CHD8: variants seen among roughly 807,000 people sequenced by gnomAD.
CHD8 encodes the protein ATP-dependent chromatin remodeler CHD8.
CHD8 carries 31 observed loss-of-function variants against 279.2 expected under a neutral mutation model. The ratio of observed to expected loss-of-function variants is 0.11; its 90% confidence interval spans 0.08 to 0.15. CHD8 has a LOEUF of 0.15. CHD8 is among the 10% of genes least tolerant of loss of function. The probability of loss-of-function intolerance (pLI) is 1.00; values close to 1 mark genes in which losing one functional copy is unlikely to be tolerated. For synonymous variants in CHD8, 1,081 were observed against 1,139.6 expected (o/e 0.95, Z 1.04); for missense variants, 2,146 against 3,230.5 (o/e 0.66, Z 8.14).
At chr14:21,427,720 G>T in intron 4 of CHD8, 149 bp downstream of exon 4, 1 of 1,517,916 alleles carries the variant, frequency 6.6e-7, no homozygotes. Context: ...CATCACAGTA[G>T]TAAGGAGCAC....
intron 28 of CHD8, 66 bp downstream of exon 28, chr14:21,395,751 G>T: frequency 1.1e-6 from 1 of 897,848 alleles, no homozygotes; most frequent in Non-Finnish European, 1.8e-6. Flanking sequence ...AAGATTCAGA[G>T]AATGGTTGAA....
Position 21,400,617 on chromosome 14 carries a change from A to G in CHD8, c.4371-5T>C, listed in dbSNP as rs775612887. 21 of 1,562,742 alleles carry G rather than the reference A, an allele frequency of 1.3e-5. No homozygotes were observed. The highest frequency in any genetic ancestry group is 1.7e-5 in the Non-Finnish European group (20 of 1,162,196). The stretch of plus-strand genomic sequence containing the variant: ...ATATCTCGCCATCGTCCCCAACTAA[A>G]AAACAGAAAACTATATTAACATTTT... On this transcript the variant is annotated splice_region_variant and splice_polypyrimidine_tract_variant and intron_variant, in intron 22 of 37. Transcript: ENST00000646647. This position sits in a 1 kb window ranked among gnomAD's most constrained non-coding sequence, Gnocchi z 4.2.
In CHD8 at chr14:21,403,226, G is replaced by A. The variant is rs141148475; in HGVS notation, c.3519-14C>T. The A allele has an allele frequency of 1.9e-4, 299 of 1,606,828 alleles. 5 individuals are homozygous for A. In the South Asian group the frequency reaches 1.9e-3, roughly 10 times the overall value. ...TCATATAAGTACCTGTATGGGAATC[G>A]CAGAAAAAAAATGTAAGTGGCTAAG... On this transcript the variant is annotated splice_polypyrimidine_tract_variant and intron_variant, in intron 17 of 37. Transcript: ENST00000646647. This position sits in a 1 kb window ranked among gnomAD's most constrained non-coding sequence, Gnocchi z 4.3.
intron 5 of CHD8, among the ~76,000 whole-genome samples, chr14:21,417,703 A>C (rs936191830): frequency 5.3e-5 from 8 of 151,642 alleles, no homozygotes; most frequent in African/African-American, 1.9e-4. Flanking sequence ...AAATACAAAA[A>C]ATTAGCCAGG....
At chr14:21,432,241 GT>G (rs1330943450) in intron 1 of CHD8, among the ~76,000 whole-genome samples, 4 of 152,066 alleles carry the variant, frequency 2.6e-5, no homozygotes, top group African/African-American at 7.2e-5. Context: ...CAGAATTACA[GT>G]GACTCTATAG....
rs575928683 is a variant in CHD8, at chr14:21,412,270, CG to C, written c.2226+642del. Among the ~76,000 whole-genome samples, 7 of 151,942 alleles carry C rather than the reference CG, an allele frequency of 4.6e-5. No homozygotes were observed. The East Asian group carries it at 1.4e-3, about 30-fold the overall frequency. On this transcript the variant is annotated intron_variant, in intron 10 of 37. Transcript: ENST00000646647. ...AAGCGATTCTCCTGCCTCAGCCTCC[CG>C]AGTAGCTGGGACTATAGGCACGTGC...
At position 21,426,157 on chromosome 14, in the gene CHD8, G is replaced by C. The variant is rs1467029884; in HGVS notation, c.1687C>G (p.Pro563Ala). The C allele has an allele frequency of 6.2e-7, 1 of 1,609,842 alleles. No homozygotes were observed. The highest frequency in any genetic ancestry group is 8.5e-7 in the Non-Finnish European group (1 of 1,176,644). Reference protein sequence around the residue: ...SDVEVMPAQSPREDEESSIQK... With the variant: ...SDVEVMPAQSAREDEESSIQK... ...ATGCTGCTTTCTTCATCTTCTCGAG[G>C]TGACTGTGCAGGCATGACTTCCACA... is the stretch of plus-strand genomic sequence containing the variant. Residue 563 changes from proline to alanine, a missense_variant, in exon 5 of 38, where the codon CCT becomes GCT. Physicochemically the swap from Pro to Ala is conservative, Grantham distance 27 (BLOSUM62 -1). Transcript: ENST00000646647.
chr14:21,440,287 AC>A (rs1889923718), intron 1 of CHD8, among the ~76,000 whole-genome samples: 1 of 151,932 alleles, frequency 6.6e-6, no homozygotes, highest in Non-Finnish European at 1.5e-5. Flanking sequence ...GCTCACTGCA[AC>A]CTCTGCCTCC....
chr14:21,446,036 G>A (rs58981052), intron 1 of CHD8, among the ~76,000 whole-genome samples: 13,508 of 149,428 alleles, frequency 0.09, 1,427 homozygotes, highest in African/African-American at 0.26. Flanking sequence ...TACTAAAACT[G>A]CAAAAATTAG....
At chr14:21,412,803 C>A in intron 10 of CHD8, 110 bp downstream of exon 10, 1 of 702,708 alleles carries the variant, frequency 1.4e-6, no homozygotes, top group Non-Finnish European at 2.6e-6. Context: ...TTAGAAATAC[C>A]TTTTCAGTCC....
intron 10 of CHD8, 115 bp from the exon 11 acceptor site, chr14:21,410,103 T>C (rs992542607): frequency 3.0e-5 from 31 of 1,045,078 alleles, no homozygotes; most frequent in African/African-American, 2.1e-4. Context: ...CTAGAAGCCG[T>C]TGAAAAAGTC....
chr14:21,396,273 G>A (rs571881846), intron 27 of CHD8, among the ~76,000 whole-genome samples: 1 of 152,078 alleles, frequency 6.6e-6, no homozygotes, highest in South Asian at 2.1e-4. Context: ...TGGGATTACA[G>A]GAGTGAGCCA....
At chr14:21,426,054 T>C in intron 5 of CHD8, 74 bp downstream of exon 5, 1 of 888,094 alleles carries the variant, frequency 1.1e-6, no homozygotes, top group Admixed American at 2.1e-5. Flanking sequence ...TTACGATTTC[T>C]CAATATCTGC....
At chr14:21,387,809 C>CAAAAAA (rs34063784) in intron 37 of CHD8, among the ~76,000 whole-genome samples, 6 of 76,164 alleles carry the variant, frequency 7.9e-5, no homozygotes, top group African/African-American at 1.4e-4. Flanking sequence ...CTGTCTCAAG[C>CAAAAAA]AAAAAAAAAA....
In CHD8 at chr14:21,400,434, T is replaced by G; in HGVS notation, c.4549A>C (p.Lys1517Gln). ...LISPAENGKT[K>Q]ELQNHSGLSI... ...TTACCTGAATGATTCTGCAATTCTT[T>G]TGTCTTGCCATTTTCAGCTGGGCTA... The change falls in exon 23 of 38, where the codon AAA becomes CAA. Residue 1517 changes from lysine to glutamine, a missense_variant. Lys to Gln is a moderately conservative substitution (Grantham distance 53). Coordinates refer to ENST00000646647, the MANE Select transcript of CHD8 (RefSeq NM_001170629.2). This position sits in a 1 kb window ranked among gnomAD's most constrained non-coding sequence, Gnocchi z 4.2. 6.2e-7 allele frequency: 1 copy of G among 1,601,206 alleles called. No individual in the cohort carries two copies. Among genetic ancestry groups the G allele is most frequent in the Non-Finnish European group, 8.5e-7 (1 of 1,176,642 alleles).
Position 21,400,095 on chromosome 14 carries a change from G to C in CHD8, c.4728-25C>G. Reference sequence around the variant, plus strand: ...CCTAGAAAGGACAGAGGAAGAGCTGGCTCAGTAACACTGTAGAAGTTTGAG... The same window carrying C: ...CCTAGAAAGGACAGAGGAAGAGCTGCCTCAGTAACACTGTAGAAGTTTGAG... On this transcript the variant is annotated intron_variant, in intron 24 of 37. Coordinates refer to ENST00000646647, the MANE Select transcript of CHD8 (RefSeq NM_001170629.2). The surrounding 1 kb of genome is among the most constrained non-coding windows in gnomAD (Gnocchi z 4.2). 6.2e-7 allele frequency: 1 copy of C among 1,612,636 alleles called. No homozygotes were observed. Among genetic ancestry groups the C allele is most frequent in the Non-Finnish European group, 8.5e-7 (1 of 1,178,784 alleles).
intron 5 of CHD8, among the ~76,000 whole-genome samples, chr14:21,424,948 T>C (rs566499401): frequency 2.0e-5 from 3 of 152,208 alleles, no homozygotes; most frequent in East Asian, 1.9e-4. Flanking sequence ...GTAAGTTAAG[T>C]TGGCCAGGCC....
intron 2 of CHD8, 59 bp downstream of exon 2, chr14:21,430,742 A>T: frequency 9.2e-7 from 1 of 1,083,902 alleles, no homozygotes; most frequent in Non-Finnish European, 1.3e-6. Context: ...TCACTCTCTC[A>T]AAGAGTTGCT....
intron 5 of CHD8, among the ~76,000 whole-genome samples, chr14:21,421,051 G>A (rs138257092): frequency 1.2e-4 from 19 of 152,254 alleles, no homozygotes; most frequent in East Asian, 3.9e-4. Context: ...ATGAGCCACC[G>A]CACCTGGCCT....
Sources: gnomAD v4.1 joint callset for allele counts (sites outside exome capture counted in the v4.1 genomes callset) on GRCh38, gnomAD v4.1.1 for gene constraint, Gnocchi (gnomAD v3.1) non-coding constraint, MANE v1.5 for transcripts, NCBI Gene and HGNC (gene_info 2026-07-23, HGNC 2026-07-21) for gene names.